PARD3B: variants seen among roughly 807,000 people sequenced by gnomAD.
The protein encoded by PARD3B is partitioning defective 3 homolog B.
A neutral mutation model predicts 130.2 loss-of-function variants in PARD3B; 103 were observed. That is an observed-to-expected ratio of 0.79 (90% CI 0.67 to 0.93). The LOEUF is 0.93. Ranked by LOEUF, PARD3B falls within the 40% of genes least tolerant of loss-of-function variation. The probability of loss-of-function intolerance (pLI) is 0.00; values close to 1 mark genes in which losing one functional copy is unlikely to be tolerated. For synonymous variants in PARD3B, 583 were observed against 553.2 expected, an observed-to-expected ratio of 1.05 and a Z score of -0.76; for missense variants, 1,609 against 1,499.2, an observed-to-expected ratio of 1.07 and a Z score of -1.21.
intron 18 of PARD3B, among the ~76,000 whole-genome samples, chr2:205,384,180 A>G (rs2045580560): frequency 1.3e-5 from 2 of 152,090 alleles, no homozygotes; most frequent in African/African-American, 4.8e-5. Context: ...GATAATTGAA[A>G]TCTTCACATA....
Position 204,998,312 on chromosome 2 carries a change from GTATATATATATATATATATATA to G in PARD3B, c.394+33015_394+33036del, listed in dbSNP as rs771546892. ...CTGCACATGTATCCCAGAACTTAAAGTATATATATATATATATATATATATATATATATATATATATATATAT... is the reference window on the plus strand; with the variant it reads ...CTGCACATGTATCCCAGAACTTAAAGTATATATATATATATATATATATAT... On this transcript the variant is annotated intron_variant, in intron 3 of 22. Transcript: ENST00000406610. Among the ~76,000 whole-genome samples the G allele has an allele frequency of 4.4e-4, 23 of 52,008 alleles. 1 individual carries two copies. Among genetic ancestry groups the G allele is most frequent in the Middle Eastern group, 0.011 (1 of 90 alleles). 34.1% of individuals were successfully genotyped at this position (52,008 alleles called of 152,430 possible).
At chr2:205,435,254 C>T (rs1006985066) in intron 19 of PARD3B, among the ~76,000 whole-genome samples, 5 of 151,872 alleles carry the variant, frequency 3.3e-5, no homozygotes, top group Non-Finnish European at 7.4e-5. Context: ...AGTACCCTCA[C>T]CCTTACATAC....
intron 3 of PARD3B, among the ~76,000 whole-genome samples, chr2:204,985,822 T>C (rs1297479305): frequency 3.9e-5 from 6 of 152,052 alleles, no homozygotes; most frequent in Non-Finnish European, 7.4e-5. Flanking sequence ...AAGGCTTAGC[T>C]AGGCGTGGTG....
chr2:205,156,009 A>T (rs2034102130), intron 10 of PARD3B, among the ~76,000 whole-genome samples: 1 of 152,102 alleles, frequency 6.6e-6, no homozygotes, highest in Non-Finnish European at 1.5e-5. Flanking sequence ...CTTGGAACCA[A>T]CCCAAATGTC....
intron 2 of PARD3B, among the ~76,000 whole-genome samples, chr2:204,928,933 C>G (rs1407373241): frequency 6.6e-6 from 1 of 152,078 alleles, no homozygotes; most frequent in Admixed American, 6.6e-5. Flanking sequence ...AAATACTCCA[C>G]TTTGGAATTG....
chr2:204,975,240 A>G (rs1353139982), intron 3 of PARD3B, among the ~76,000 whole-genome samples: 1 of 152,152 alleles, frequency 6.6e-6, no homozygotes, highest in East Asian at 1.9e-4. Context: ...GTATTCATAA[A>G]ATTTTAACTT....
chr2:205,170,560 TC>T (rs2035103973), intron 11 of PARD3B, among the ~76,000 whole-genome samples: 1 of 152,052 alleles, frequency 6.6e-6, no homozygotes, highest in African/African-American at 2.4e-5. Flanking sequence ...TAACACCCTC[TC>T]CAGCAGGCGG....
At chr2:205,360,996 T>G (rs2044367961) in intron 18 of PARD3B, among the ~76,000 whole-genome samples, 1 of 152,164 alleles carries the variant, frequency 6.6e-6, no homozygotes, top group Admixed American at 6.5e-5. Context: ...TTTCCCTCCC[T>G]TCTTCACTGC....
chr2:204,656,506 G>A (rs535814940), intron 1 of PARD3B, among the ~76,000 whole-genome samples: 93 of 152,192 alleles, frequency 6.1e-4, no homozygotes, highest in South Asian at 3.7e-3. Context: ...GGGGTAAGGA[G>A]ACTATTTTAG....
chr2:204,847,465 T>C (rs1431230757), intron 2 of PARD3B, among the ~76,000 whole-genome samples: 2 of 152,204 alleles, frequency 1.3e-5, no homozygotes, highest in East Asian at 3.8e-4. Context: ...TATAGCTTCA[T>C]TTTCTGTGGT....
At chr2:205,298,563 A>T (rs1056295694) in intron 16 of PARD3B, among the ~76,000 whole-genome samples, 6 of 151,908 alleles carry the variant, frequency 3.9e-5, no homozygotes, top group Admixed American at 2.6e-4. Flanking sequence ...TTTACTGAAT[A>T]CTGAATTGCA....
At chr2:204,620,646 C>A (rs1309800904) in intron 1 of PARD3B, among the ~76,000 whole-genome samples, 2 of 152,170 alleles carry the variant, frequency 1.3e-5, no homozygotes, top group Admixed American at 1.3e-4. Context: ...TCTGAACTCA[C>A]AGCCACTTGT....
At chr2:204,853,020 A>C (rs555700523) in intron 2 of PARD3B, among the ~76,000 whole-genome samples, 8 of 152,256 alleles carry the variant, frequency 5.3e-5, no homozygotes, top group South Asian at 4.1e-4. Context: ...AGTTCATTGG[A>C]TTGTTTAATT....
chr2:205,139,947 G>A (rs78218953), intron 10 of PARD3B, among the ~76,000 whole-genome samples: 1,815 of 152,314 alleles, frequency 0.012, 28 homozygotes, highest in African/African-American at 0.04. Flanking sequence ...TAACCTGTAG[G>A]GTTTCTTGCA....
At chr2:204,917,800 A>G (rs1346883373) in intron 2 of PARD3B, among the ~76,000 whole-genome samples, 8 of 152,194 alleles carry the variant, frequency 5.3e-5, no homozygotes, top group Non-Finnish European at 1.2e-4. Context: ...CTGAAAGGCT[A>G]TTGGGGTTAT....
At chr2:205,478,188 A>T (rs2049093313) in intron 20 of PARD3B, among the ~76,000 whole-genome samples, 1 of 152,204 alleles carries the variant, frequency 6.6e-6, no homozygotes, top group Non-Finnish European at 1.5e-5. Context: ...AGCGAAGAGT[A>T]AAGCCTTGAA....
At chr2:205,426,746 T>C (rs1216693205) in intron 19 of PARD3B, among the ~76,000 whole-genome samples, 1 of 152,124 alleles carries the variant, frequency 6.6e-6, no homozygotes, top group African/African-American at 2.4e-5. Flanking sequence ...AGAAATAGTA[T>C]GGAAAAGTAG....
intron 1 of PARD3B, among the ~76,000 whole-genome samples, chr2:204,556,009 T>A (rs2030898438): frequency 6.6e-6 from 1 of 152,158 alleles, no homozygotes. Flanking sequence ...ATCACTAGAA[T>A]ATTAACTTCA....
At chr2:204,785,899 G>A (rs2041992197) in intron 2 of PARD3B, among the ~76,000 whole-genome samples, 1 of 152,052 alleles carries the variant, frequency 6.6e-6, no homozygotes. Context: ...GAATCATGAG[G>A]TCAGGAGTTT....
Sources: gnomAD v4.1 joint callset for allele counts (sites outside exome capture counted in the v4.1 genomes callset) on GRCh38, gnomAD v4.1.1 for gene constraint, MANE v1.5 for transcripts, NCBI Gene and HGNC (gene_info 2026-07-23, HGNC 2026-07-21) for gene names.